Variants in TTBK1 observed in about 807,000 individuals in gnomAD.
TTBK1 encodes the protein tau tubulin kinase 1.
In TTBK1, 34 loss-of-function variants were observed where a neutral mutation model predicts 108.5. The observed-to-expected ratio is 0.31, with a 90% confidence interval of 0.24 to 0.42. TTBK1 has a LOEUF of 0.42. Among genes scored for constraint, TTBK1 ranks in the 10% least tolerant of loss-of-function variants. TTBK1 has a pLI of 1.00. For synonymous variants in TTBK1, 809 were observed against 795.1 expected (o/e 1.02, Z -0.29); for missense variants, 1,539 against 1,826.0 (o/e 0.84, Z 2.86).
At chr6:43,270,114 A>C in intron 13 of TTBK1, 1 of 1,372,378 alleles carries the variant, frequency 7.3e-7, no homozygotes. Context: ...GTACTGTAAT[A>C]CTCCCACCCC....
At chr6:43,252,679 G>A (rs1374716216) in intron 2 of TTBK1, 60 bp from the exon 3 acceptor site, 1 of 1,584,152 alleles carries the variant, frequency 6.3e-7, no homozygotes, top group Non-Finnish European at 8.6e-7. Context: ...CAAGCAGCAG[G>A]TGGGATGAGG....
rs571267699 is a variant in TTBK1, at chr6:43,244,345, T to C, written c.-55+637T>C. The stretch of plus-strand genomic sequence containing the variant: ...TGCTGACACCTTGCAGAGTTACACA[T>C]CAACACTTGTATTCACAGGCCATGA... On this transcript the variant is annotated intron_variant, in intron 1 of 14. Transcript: ENST00000259750. Among the ~76,000 whole-genome samples the C allele has an allele frequency of 2.6e-5, 4 of 152,204 alleles. No individual in the cohort carries two copies. In the South Asian group the frequency reaches 8.3e-4, roughly 32 times the overall value.
intron 2 of TTBK1, among the ~76,000 whole-genome samples, chr6:43,251,290 G>A: frequency 6.6e-6 from 1 of 152,174 alleles, no homozygotes; most frequent in East Asian, 1.9e-4. Context: ...AGAGATGCAG[G>A]AGGCTGAGCG....
chr6:43,276,496 G>GACACGCACCCACGCGC lies in TTBK1; in HGVS notation c.1987-6225_1987-6210dup, dbSNP rs1778004051. Among the ~76,000 whole-genome samples the GACACGCACCCACGCGC allele has an allele frequency of 1.3e-5, 2 of 152,176 alleles. No homozygotes were observed. Among genetic ancestry groups the GACACGCACCCACGCGC allele is most frequent in the South Asian group, 4.1e-4 (2 of 4,834 alleles). On this transcript the variant is annotated intron_variant, in intron 13 of 14. Coordinates refer to ENST00000259750, the MANE Select transcript of TTBK1 (RefSeq NM_032538.3). The surrounding 1 kb of genome is among the most constrained non-coding windows in gnomAD (Gnocchi z 5.4). ...GGCGCCGCCACGGGGGTGGGACACG[G>GACACGCACCCACGCGC]ACACGCACCCACGCGCACACGGCCG...
chr6:43,280,416 A>G (rs1778124307), intron 13 of TTBK1, among the ~76,000 whole-genome samples: 1 of 152,216 alleles, frequency 6.6e-6, no homozygotes, highest in Non-Finnish European at 1.5e-5. Flanking sequence ...GAGAGAGCTA[A>G]CATTTATTGA....
intron 12 of TTBK1, among the ~76,000 whole-genome samples, chr6:43,262,288 A>T (rs1234119101): frequency 6.6e-6 from 1 of 152,132 alleles, no homozygotes; most frequent in Admixed American, 6.5e-5. Flanking sequence ...CTTGGGGGTG[A>T]TGAAACCAGC....
rs78097169 is a variant in TTBK1 at position 43,251,182 on chromosome 6, C to G, written c.109-1557C>G. Among the ~76,000 whole-genome samples the G allele has an allele frequency of 3.0e-4, 46 of 152,332 alleles. No homozygotes were observed. In the East Asian group the frequency reaches 8.7e-3, roughly 29 times the overall value. On this transcript the variant is annotated intron_variant, in intron 2 of 14. Transcript: ENST00000259750. The stretch of plus-strand genomic sequence containing the variant: ...GGTAACCTGGGAACTCCCAGCCCTC[C>G]AGCTCCGCCTGGTCTTCCTCCCTCC...
Position 43,269,407 on chromosome 6 carries a change from G to A in TTBK1, c.1986+6057G>A, listed in dbSNP as rs1000879952. Among the ~76,000 whole-genome samples the A allele has an allele frequency of 2.0e-5, 3 of 152,230 alleles. No individual in the cohort carries two copies. Among genetic ancestry groups the A allele is most frequent in the Non-Finnish European group, 4.4e-5 (3 of 68,044 alleles). ...CCATGGTCTCCTTGCAGAGACCATA[G>A]TGTGAGAAGTTCCAGAGAGAAGGAG... On this transcript the variant is annotated intron_variant, in intron 13 of 14. Transcript: ENST00000259750. This position sits in a 1 kb window ranked among gnomAD's most constrained non-coding sequence, Gnocchi z 4.8.
chr6:43,244,124 G>T (rs1464398831), intron 1 of TTBK1, among the ~76,000 whole-genome samples: 20 of 151,748 alleles, frequency 1.3e-4, no homozygotes. Flanking sequence ...CCCTCCCATG[G>T]TCCTATCTCT....
At chr6:43,250,670 A>G (rs1026140642) in intron 2 of TTBK1, among the ~76,000 whole-genome samples, 4 of 152,224 alleles carry the variant, frequency 2.6e-5, no homozygotes, top group South Asian at 4.1e-4. Flanking sequence ...TGGCTTTGCT[A>G]TTAACTAGCA....
rs370831909 is a variant in TTBK1, at chr6:43,263,171, C to T, written c.1807C>T (p.Leu603=). The change falls in exon 13 of 15, where the codon CTG becomes TTG. Residue 603 remains leucine (L), a synonymous_variant. Coordinates refer to ENST00000259750, the MANE Select transcript of TTBK1 (RefSeq NM_032538.3). The surrounding 1 kb of genome is among the most constrained non-coding windows in gnomAD (Gnocchi z 4.7). Reference sequence around the variant, plus strand: ...GCCCCGGGGACGCAGCATGCAGGCGCTGGCGGAGGAGGACCTGCAGCATTT... The same window carrying T: ...GCCCCGGGGACGCAGCATGCAGGCGTTGGCGGAGGAGGACCTGCAGCATTT... ...VRPRGRSMQA[L]AEEDLQHLPP... 1.3e-6 allele frequency: 2 copies of T among 1,576,240 alleles called. No individual in the cohort carries two copies. The highest frequency in any genetic ancestry group is 1.7e-6 in the Non-Finnish European group (2 of 1,160,426).
intron 13 of TTBK1, among the ~76,000 whole-genome samples, chr6:43,280,958 G>A (rs539874284): frequency 2.6e-5 from 4 of 152,278 alleles, no homozygotes; most frequent in South Asian, 2.1e-4. Context: ...TGGAAGCATC[G>A]GAATGCGTGG....
intron 12 of TTBK1, among the ~76,000 whole-genome samples, chr6:43,261,808 CAAAAAAAAAAA>C (rs11409412): frequency 8.2e-4 from 71 of 86,074 alleles, no homozygotes; most frequent in African/African-American, 2.9e-3. Context: ...GATTCTGTCT[CAAAAAAAAAAA>C]AAAAAAAAAA....
rs1777417262 is a variant in TTBK1, at chr6:43,257,721, G to A, written c.862-91G>A. On this transcript the variant is annotated intron_variant, in intron 9 of 14. Transcript: ENST00000259750. The surrounding 1 kb of genome is among the most constrained non-coding windows in gnomAD (Gnocchi z 4.5). ...CCCATTCCTGTCCTGGAAAGTCCCT[G>A]TCTTCCTCCTATGATCCCAGCAACT... The A allele has an allele frequency of 2.1e-6, 3 of 1,403,844 alleles. No individual in the cohort carries two copies. Among genetic ancestry groups the A allele is most frequent in the African/African-American group, 1.4e-5 (1 of 70,256 alleles). The allele number at this position is 1,403,844 out of a possible 1,614,324, so 87.0% of individuals were successfully genotyped here. A position where few individuals can be genotyped will look rare whatever the true frequency, so the allele number is the denominator to read the frequency against.
intron 13 of TTBK1, chr6:43,272,200 G>A (rs732692): frequency 0.17 from 164,458 of 985,022 alleles, 14,106 homozygotes; most frequent in Admixed American, 0.27. Flanking sequence ...GTGGGCAAGG[G>A]CCCCCCCACC....
At chr6:43,270,160 C>T in intron 13 of TTBK1, 3 of 1,361,616 alleles carry the variant, frequency 2.2e-6, no homozygotes, top group Non-Finnish European at 2.8e-6. Flanking sequence ...CATCAGCTCC[C>T]TTTGTAGGTG....
intron 13 of TTBK1, among the ~76,000 whole-genome samples, chr6:43,280,049 C>G (rs1237166526): frequency 6.6e-6 from 1 of 151,658 alleles, no homozygotes; most frequent in Non-Finnish European, 1.5e-5. Context: ...GAAAAGTTTT[C>G]TAAGAAAGTT....
chr6:43,279,563 C>T (rs1386285887), intron 13 of TTBK1, among the ~76,000 whole-genome samples: 1 of 152,164 alleles, frequency 6.6e-6, no homozygotes, highest in East Asian at 1.9e-4. Context: ...CTTACAGCAG[C>T]CCCTCCACCT....
At chr6:43,267,403 G>A (rs1345698252) in intron 13 of TTBK1, among the ~76,000 whole-genome samples, 1 of 152,106 alleles carries the variant, frequency 6.6e-6, no homozygotes, top group Non-Finnish European at 1.5e-5. Context: ...CAGGCAGGAA[G>A]TCTCTGCTGA....
Sources: allele counts gnomAD v4.1 joint callset (sites outside exome capture counted in the v4.1 genomes callset), GRCh38; gene constraint gnomAD v4.1.1; non-coding constraint Gnocchi (gnomAD v3.1); transcripts MANE v1.5; gene names NCBI Gene and HGNC (gene_info 2026-07-23, HGNC 2026-07-21).